Variants in RPS24 observed in about 807,000 individuals in gnomAD.
RPS24 encodes small ribosomal subunit protein eS24.
For missense variants in RPS24, 100 were observed against 162.5 expected (o/e 0.62, Z 2.09); for synonymous variants, 72 against 55.6 (o/e 1.30, Z -1.31).
chr10:78,045,866 G>A (rs1261622110), intron 4 of RPS24, among the ~76,000 whole-genome samples: 2 of 152,016 alleles, frequency 1.3e-5, no homozygotes, highest in Non-Finnish European at 2.9e-5. Context: ...GCTGGGCGTG[G>A]TGGTGCGTGC....
intron 1 of RPS24, among the ~76,000 whole-genome samples, chr10:78,035,078 G>A (rs1847833881): frequency 1.3e-5 from 2 of 152,150 alleles, no homozygotes; most frequent in Admixed American, 1.3e-4. Flanking sequence ...TATCAGTAGT[G>A]CTGAGGTTGA....
intron 4 of RPS24, among the ~76,000 whole-genome samples, chr10:78,052,477 A>G (rs1006001785): frequency 6.6e-6 from 1 of 152,196 alleles, no homozygotes; most frequent in African/African-American, 2.4e-5. Flanking sequence ...ATAGTTTTAC[A>G]AGGTGGGGAT....
Position 78,033,914 on chromosome 10 carries a change from C to T in RPS24, c.3+10C>T, listed in dbSNP as rs1490901357. On this transcript the variant is annotated intron_variant, in intron 1 of 5. Coordinates refer to ENST00000372360, the MANE Select transcript of RPS24 (RefSeq NM_033022.4). The stretch of plus-strand genomic sequence containing the variant: ...ATAGATCGCCATCATGGTGAGTCTC[C>T]CTGGGCCCGTGCAGTCATCTGCCGC... 18 of 1,613,952 alleles carry T rather than the reference C, an allele frequency of 1.1e-5. No individual in the cohort carries two copies. The African/African-American group carries it at 1.2e-4, about 11-fold the overall frequency.
intron 4 of RPS24, among the ~76,000 whole-genome samples, chr10:78,050,111 G>A (rs564206285): frequency 1.0e-3 from 153 of 152,330 alleles, no homozygotes; most frequent in African/African-American, 3.6e-3. Flanking sequence ...GAACAAATCA[G>A]CTCTTCCTTC....
exon 5 of RPS24, chr10:78,054,804 A>T (rs1322181211): frequency 1.0e-5 from 16 of 1,551,548 alleles, no homozygotes; most frequent in East Asian, 2.4e-5. Flanking sequence ...CGGAGCCTTC[A>T]TGTCGCCTGC....
chr10:78,037,098 T>A, intron 3 of RPS24, 96 bp from the exon 4 acceptor site: 1 of 1,474,542 alleles, frequency 6.8e-7, no homozygotes, highest in East Asian at 2.5e-5. Flanking sequence ...GAAAGCTGTG[T>A]TTCTTAAGCT....
chr10:78,050,010 A>C (rs1848082952), intron 4 of RPS24, among the ~76,000 whole-genome samples: 1 of 152,166 alleles, frequency 6.6e-6, no homozygotes, highest in African/African-American at 2.4e-5. Flanking sequence ...AAAAGGGGGA[A>C]GTTTACTGGG....
rs763970487 is a variant in RPS24, at chr10:78,035,738, TGTTGATCA to T, written c.279+20_279+27del. On this transcript the variant is annotated intron_variant, in intron 3 of 5. Transcript: ENST00000372360. Reference sequence around the variant, plus strand: ...TTGCAAGAGTAGGTGTCTTTTCATTTGTTGATCAGCTCCTGAAGACCTATTTTTTCAAT... The same window carrying T: ...TTGCAAGAGTAGGTGTCTTTTCATTTGCTCCTGAAGACCTATTTTTTCAAT... 7 of 1,589,342 alleles carry T rather than the reference TGTTGATCA, an allele frequency of 4.4e-6. No homozygotes were observed. In the African/African-American group the frequency reaches 9.4e-5, roughly 21 times the overall value.
intron 4 of RPS24, among the ~76,000 whole-genome samples, chr10:78,048,620 G>A (rs1447665805): frequency 6.6e-6 from 1 of 152,094 alleles, no homozygotes; most frequent in Admixed American, 6.5e-5. Context: ...GGTGGCTCAC[G>A]CCTGTAATCA....
At chr10:78,045,442 G>A (rs190441204), downstream of RPS24, among the ~76,000 whole-genome samples, 1 of 152,002 alleles carries the variant, frequency 6.6e-6, no homozygotes, top group Non-Finnish European at 1.5e-5. Flanking sequence ...TCTGCTATCC[G>A]GGCTAGATGA....
chr10:78,047,465 G>A (rs1457744122), intron 4 of RPS24, among the ~76,000 whole-genome samples: 3 of 152,182 alleles, frequency 2.0e-5, no homozygotes, highest in East Asian at 1.9e-4. Flanking sequence ...ACTCCCACAA[G>A]GGGGCACTGT....
At chr10:78,038,898 C>G (rs902399465) in intron 4 of RPS24, 10 of 152,234 alleles carry the variant, frequency 6.6e-5, no homozygotes, top group Admixed American at 5.9e-4. Context: ...TTCCAAAGTG[C>G]TGGGATTACA....
chr10:78,037,741 C>T (rs1847904016), intron 4 of RPS24: 1 of 348,898 alleles, frequency 2.9e-6, no homozygotes, highest in Admixed American at 4.3e-5. Context: ...CAACTGAGAT[C>T]TCAGGATTGC....
chr10:78,048,703 C>T (rs1055615913), intron 4 of RPS24, among the ~76,000 whole-genome samples: 9 of 151,794 alleles, frequency 5.9e-5, no homozygotes, highest in African/African-American at 2.2e-4. Flanking sequence ...GGTGAAACCC[C>T]GTCTCTACTA....
At chr10:78,052,142 C>T (rs1751909114) in intron 4 of RPS24, among the ~76,000 whole-genome samples, 1 of 152,126 alleles carries the variant, frequency 6.6e-6, no homozygotes, top group South Asian at 2.1e-4. Flanking sequence ...TCTCGTGTCT[C>T]AGCCTCCTGA....
chr10:78,041,229 AGCAATACCGTGAAG>A (rs569396123), downstream of RPS24, among the ~76,000 whole-genome samples: 85 of 152,292 alleles, frequency 5.6e-4, 1 homozygote, highest in Middle Eastern at 0.02. Context: ...ACTCAGGAAA[AGCAATACCGTGAAG>A]GCAGAAGGGT....
In RPS24 at chr10:78,033,887, A is replaced by G. The variant is rs968729226; in HGVS notation, c.-15A>G. ...TCTCTTTTCCTCCTTGGCTGTCTGA[A>G]GATAGATCGCCATCATGGTGAGTCT... is the stretch of plus-strand genomic sequence containing the variant. On this transcript the variant is annotated 5_prime_UTR_variant, in exon 1 of 6. Transcript: ENST00000372360. The G allele has an allele frequency of 1.9e-6, 3 of 1,614,042 alleles. No homozygotes were observed. Among genetic ancestry groups the G allele is most frequent in the East Asian group, 2.2e-5 (1 of 44,862 alleles).
At chr10:78,037,395 C>A in intron 4 of RPS24, 91 bp downstream of exon 4, 2 of 1,499,546 alleles carry the variant, frequency 1.3e-6, no homozygotes, top group Non-Finnish European at 1.8e-6. Context: ...TTTAAAATAA[C>A]TTTTCTTAAT....
At chr10:78,049,381 A>T (rs546117794) in intron 4 of RPS24, among the ~76,000 whole-genome samples, 3 of 152,028 alleles carry the variant, frequency 2.0e-5, no homozygotes, top group Non-Finnish European at 2.9e-5. Flanking sequence ...TGGCTTTGTC[A>T]TGGGTTTAGA....
Sources: gnomAD v4.1 joint callset for allele counts (sites outside exome capture counted in the v4.1 genomes callset) on GRCh38, gnomAD v4.1.1 for gene constraint, MANE v1.5 for transcripts, NCBI Gene and HGNC (gene_info 2026-07-23, HGNC 2026-07-21) for gene names.